LCOR: variants seen among roughly 807,000 people sequenced by gnomAD.
LCOR encodes the protein ligand-dependent corepressor.
Under a neutral mutation model 64.4 loss-of-function variants are expected in LCOR, and 14 were observed. That is an observed-to-expected ratio of 0.22 (90% confidence interval 0.14 to 0.34). The LOEUF (loss-of-function observed/expected upper bound fraction) is 0.34, where lower values mean the gene tolerates loss of function less well. LCOR is among the 10% of genes least tolerant of loss of function. The probability of loss-of-function intolerance (pLI) is 1.00; values close to 1 mark genes in which losing one functional copy is unlikely to be tolerated. For missense variants in LCOR, 1,686 were observed against 1,765.3 expected, an observed-to-expected ratio of 0.96 and a Z score of 0.80; for synonymous variants, 643 against 642.5, an observed-to-expected ratio of 1.00 and a Z score of -0.01.
chr10:96,907,408 C>G lies in LCOR; in HGVS notation c.-264+78C>G, dbSNP rs1589647073. On this transcript the variant is annotated intron_variant, in intron 3 of 7. Transcript: ENST00000421806. ...CGTTGGTGTTTTAAGCCTCAGTCTC[C>G]TTTTTATTCACGGTTTCATGTGGGT... 14 of 388,722 alleles carry G rather than the reference C, an allele frequency of 3.6e-5. No homozygotes were observed. In the South Asian group the frequency reaches 1.4e-3, roughly 39 times the overall value. 24.1% of individuals were successfully genotyped at this position (388,722 alleles called of 1,614,324 possible).
intron 5 of LCOR, among the ~76,000 whole-genome samples, chr10:96,945,187 A>G (rs1847566643): frequency 6.6e-6 from 1 of 152,024 alleles, no homozygotes; most frequent in Non-Finnish European, 1.5e-5. Context: ...ATAATTCTTC[A>G]TATGTTCTAG....
chr10:96,868,203 G>C (rs1252662031), intron 2 of LCOR, among the ~76,000 whole-genome samples: 2 of 151,492 alleles, frequency 1.3e-5, no homozygotes, highest in Non-Finnish European at 2.9e-5. Flanking sequence ...AATTTAATGG[G>C]GATGGATGTC....
chr10:96,964,878 G>A (rs1028181494), intron 7 of LCOR, among the ~76,000 whole-genome samples: 5 of 151,322 alleles, frequency 3.3e-5, no homozygotes, highest in Admixed American at 2.6e-4. Context: ...CTTTTGTCTT[G>A]AGGCATAAGT....
At chr10:96,844,263 G>T (rs1845591021) in intron 2 of LCOR, among the ~76,000 whole-genome samples, 1 of 150,990 alleles carries the variant, frequency 6.6e-6, no homozygotes, top group Non-Finnish European at 1.5e-5. Flanking sequence ...TGATCCTCCT[G>T]CCTTAGCCTC....
At chr10:96,941,390 T>G (rs1355904798) in intron 4 of LCOR, among the ~76,000 whole-genome samples, 41 of 103,154 alleles carry the variant, frequency 4.0e-4, no homozygotes, top group East Asian at 9.6e-4. Context: ...CCTCCCGGAC[T>G]GGGCGGCTGG....
intron 4 of LCOR, among the ~76,000 whole-genome samples, chr10:96,908,270 C>T (rs1303624031): frequency 6.6e-6 from 1 of 152,166 alleles, no homozygotes; most frequent in Non-Finnish European, 1.5e-5. Context: ...GAATTACAGG[C>T]ATGAGCCACC....
chr10:96,838,046 C>G (rs190258127), intron 2 of LCOR, among the ~76,000 whole-genome samples: 108 of 152,244 alleles, frequency 7.1e-4, no homozygotes, highest in Admixed American at 3.6e-3. Context: ...TTTTTAAATT[C>G]CTTTTACTAT....
chr10:96,907,238 TA>T, intron 2 of LCOR, 26 bp from the exon 3 acceptor site: 1 of 826,442 alleles, frequency 1.2e-6, no homozygotes, highest in Non-Finnish European at 1.5e-6. Flanking sequence ...ATTATTGTGG[TA>T]ATGGATTTTG....
chr10:96,915,758 C>T (rs1253620636), intron 4 of LCOR: 1 of 632,932 alleles, frequency 1.6e-6, no homozygotes, highest in East Asian at 3.5e-5. Flanking sequence ...TACCTTCTCT[C>T]CCTCCTTTGC....
chr10:96,894,603 A>G (rs1331677279), intron 2 of LCOR, among the ~76,000 whole-genome samples: 1 of 152,242 alleles, frequency 6.6e-6, no homozygotes, highest in Non-Finnish European at 1.5e-5. Flanking sequence ...AGAATTTTGT[A>G]TATAAATCTG....
chr10:96,847,503 C>T (rs1845651288), intron 2 of LCOR, among the ~76,000 whole-genome samples: 1 of 152,084 alleles, frequency 6.6e-6, no homozygotes, highest in Non-Finnish European at 1.5e-5. Flanking sequence ...AGTGCAATGG[C>T]ACGATCTCGG....
chr10:96,839,000 G>C (rs1845492942), intron 2 of LCOR, among the ~76,000 whole-genome samples: 2 of 152,014 alleles, frequency 1.3e-5, no homozygotes, highest in South Asian at 2.1e-4. Context: ...TATCTGTTTT[G>C]ATTATATAAT....
chr10:96,956,178 A>C, intron 7 of LCOR: 1 of 1,241,120 alleles, frequency 8.1e-7, no homozygotes, highest in Non-Finnish European at 1.0e-6. Flanking sequence ...TACCTCACAG[A>C]GAACAGATAC....
intron 2 of LCOR, among the ~76,000 whole-genome samples, chr10:96,844,396 T>TG (rs1845592992): frequency 6.6e-6 from 1 of 152,016 alleles, no homozygotes; most frequent in South Asian, 2.1e-4. Flanking sequence ...CATATGCCCT[T>TG]CTTTTAGAAT....
At chr10:96,926,154 T>TA (rs1410242171) in intron 4 of LCOR, among the ~76,000 whole-genome samples, 2 of 152,220 alleles carry the variant, frequency 1.3e-5, no homozygotes, top group African/African-American at 4.8e-5. Context: ...GAATTGTTGA[T>TA]ACACATACCC....
chr10:96,964,983 CAG>C (rs1847933373), intron 7 of LCOR, among the ~76,000 whole-genome samples: 2 of 151,930 alleles, frequency 1.3e-5, no homozygotes, highest in Non-Finnish European at 2.9e-5. Flanking sequence ...ACATAAAGAA[CAG>C]AGTATATGTT....
chr10:96,942,668 C>T (rs528652188), intron 4 of LCOR, among the ~76,000 whole-genome samples: 3 of 152,190 alleles, frequency 2.0e-5, no homozygotes, highest in African/African-American at 4.8e-5. Flanking sequence ...GTGCTTTTAA[C>T]ATAAATCTTA....
rs1367613597 is a variant in LCOR at position 96,988,278 on chromosome 10, G to C, written c.*3144G>C. Reference sequence around the variant, plus strand: ...CAGGAAGGTTGTGAACCTTTATTCTGCTCCTGAGGCTTCCTTCATAGGAAT... The same window carrying C: ...CAGGAAGGTTGTGAACCTTTATTCTCCTCCTGAGGCTTCCTTCATAGGAAT... On this transcript the variant is annotated 3_prime_UTR_variant, in exon 8 of 8. Coordinates refer to ENST00000421806, the MANE Select transcript of LCOR (RefSeq NM_001346516.2). 6.6e-6 allele frequency: 1 copy of C among 152,208 alleles called. No homozygotes were observed. The highest frequency in any genetic ancestry group is 1.5e-5 in the Non-Finnish European group (1 of 68,032). The allele number at this position is 152,208 out of a possible 1,614,324, so 9.4% of individuals were successfully genotyped here.
At chr10:96,907,591 A>G (rs776037702) in intron 3 of LCOR, 77 bp from the exon 4 acceptor site, 56 of 585,230 alleles carry the variant, frequency 9.6e-5, no homozygotes, top group Non-Finnish European at 1.2e-4. Flanking sequence ...TTGTTAAACA[A>G]TATTTTTGAA....
Sources: allele counts gnomAD v4.1 joint callset (sites outside exome capture counted in the v4.1 genomes callset), GRCh38; gene constraint gnomAD v4.1.1; transcripts MANE v1.5; gene names NCBI Gene and HGNC (gene_info 2026-07-23, HGNC 2026-07-21).